PACS1: variants seen among roughly 807,000 people sequenced by gnomAD.
PACS1 encodes phosphofurin acidic cluster sorting protein 1.
PACS1 carries 24 observed loss-of-function variants against 115.0 expected under a neutral mutation model. The ratio of observed to expected loss-of-function variants is 0.21; its 90% CI spans 0.15 to 0.29. PACS1 has a LOEUF of 0.29. Among genes scored for constraint, PACS1 ranks in the 10% least tolerant of loss-of-function variants. The pLI, the probability that PACS1 is intolerant of heterozygous loss-of-function variation, is 1.00. For synonymous variants in PACS1, 453 were observed against 504.5 expected (o/e 0.90, Z 1.37); for missense variants, 838 against 1,251.2 (o/e 0.67, Z 4.98).
chr11:66,243,844 G>T lies in PACS1; in HGVS notation c.*564G>T. The T allele has an allele frequency of 6.5e-6, 1 of 153,176 alleles. No individual in the cohort carries two copies. Among genetic ancestry groups the T allele is most frequent in the Non-Finnish European group, 1.5e-5 (1 of 68,644 alleles). 9.5% of individuals were successfully genotyped at this position (153,176 alleles called of 1,614,324 possible). On this transcript the variant is annotated 3_prime_UTR_variant, in exon 24 of 24. Transcript: ENST00000320580. ...GTAAGGGGGCACCCTGAGCCCACAG[G>T]ACCCCTACTTCACAGCTCACAGGGG... is the stretch of plus-strand genomic sequence containing the variant.
intron 2 of PACS1, among the ~76,000 whole-genome samples, chr11:66,208,625 G>A (rs1322149936): frequency 1.4e-5 from 2 of 147,994 alleles, no homozygotes; most frequent in African/African-American, 5.0e-5. Context: ...GACCAGCCTG[G>A]GCAACATAGT....
intron 1 of PACS1, among the ~76,000 whole-genome samples, chr11:66,171,462 T>C (rs1859735357): frequency 6.6e-6 from 1 of 150,466 alleles, no homozygotes; most frequent in Admixed American, 6.6e-5. Context: ...TCTTAACTTA[T>C]GCTTTCTATT....
chr11:66,094,939 C>CA (rs1222833809), intron 1 of PACS1, among the ~76,000 whole-genome samples: 1 of 150,694 alleles, frequency 6.6e-6, no homozygotes, highest in Non-Finnish European at 1.5e-5. Flanking sequence ...GAACCAAAGA[C>CA]AAAAACCACA....
chr11:66,125,717 A>C (rs1858555619), intron 1 of PACS1, among the ~76,000 whole-genome samples: 1 of 152,194 alleles, frequency 6.6e-6, no homozygotes, highest in Non-Finnish European at 1.5e-5. Flanking sequence ...CAGGTATTCA[A>C]GTAATTGAAG....
chr11:66,087,814 C>T (rs948472813), intron 1 of PACS1, among the ~76,000 whole-genome samples: 2 of 152,054 alleles, frequency 1.3e-5, no homozygotes, highest in Non-Finnish European at 2.9e-5. Flanking sequence ...GTCAGATTGC[C>T]GGGCTGTGGG....
chr11:66,214,484 T>TTTCC lies in PACS1; in HGVS notation c.661-1616_661-1613dup, dbSNP rs1011564983. ...AGTCTTAGAGATTAGCAACCATTTCTTTCCTTCCTTCCTTCCTTCCTTTTT... is the reference window on the plus strand; with the variant it reads ...AGTCTTAGAGATTAGCAACCATTTCTTTCCTTCCTTCCTTCCTTCCTTCCTTTTT... On this transcript the variant is annotated intron_variant, in intron 4 of 23. Coordinates refer to ENST00000320580, the MANE Select transcript of PACS1 (RefSeq NM_018026.4). Among the ~76,000 whole-genome samples, 36 of 152,040 alleles carry TTTCC rather than the reference T, an allele frequency of 2.4e-4. 1 individual carries two copies. In the East Asian group the frequency reaches 2.5e-3, roughly 11 times the overall value.
At chr11:66,113,869 A>G (rs1287712410) in intron 1 of PACS1, among the ~76,000 whole-genome samples, 1 of 152,056 alleles carries the variant, frequency 6.6e-6, no homozygotes, top group Non-Finnish European at 1.5e-5. Flanking sequence ...TTATTAATAC[A>G]TTATTTTGCA....
At chr11:66,238,426 T>G in intron 19 of PACS1, 2 of 780,126 alleles carry the variant, frequency 2.6e-6, no homozygotes, top group Non-Finnish European at 3.2e-6. Flanking sequence ...CTAGGTTTTG[T>G]TGTTTTTTGT....
chr11:66,202,353 A>G (rs1854820255), intron 2 of PACS1, among the ~76,000 whole-genome samples: 1 of 152,194 alleles, frequency 6.6e-6, no homozygotes, highest in Admixed American at 6.5e-5. Context: ...GACTCAATCT[A>G]TGAAACCAAT....
At chr11:66,150,074 C>A (rs1413317987) in intron 1 of PACS1, among the ~76,000 whole-genome samples, 2 of 152,054 alleles carry the variant, frequency 1.3e-5, no homozygotes, top group Non-Finnish European at 2.9e-5. Flanking sequence ...CATATTTGTT[C>A]AATTTCTCCC....
chr11:66,073,916 CTTTTTTTTTTTTT>C (rs34145797), intron 1 of PACS1, among the ~76,000 whole-genome samples: 1 of 76,944 alleles, frequency 1.3e-5, no homozygotes, highest in Admixed American at 1.5e-4. Flanking sequence ...TCACACCTGG[CTTTTTTTTTTTTT>C]TTTTTTTTTT....
intron 1 of PACS1, among the ~76,000 whole-genome samples, chr11:66,073,769 C>T (rs1428059564): frequency 6.6e-6 from 1 of 151,514 alleles, no homozygotes. Flanking sequence ...TGTTTTTTTT[C>T]TTTAGATGGA....
Position 66,233,682 on chromosome 11 carries a change from T to C in PACS1, c.1839-103T>C. Reference sequence around the variant, plus strand: ...TTTATTTTGTGGATTGGTTTGCTTTTCCCCTGTGGGTTGTTGAGATCACAG... The same window carrying C: ...TTTATTTTGTGGATTGGTTTGCTTTCCCCCTGTGGGTTGTTGAGATCACAG... On this transcript the variant is annotated intron_variant, in intron 15 of 23. Transcript: ENST00000320580. This position sits in a 1 kb window ranked among gnomAD's most constrained non-coding sequence, Gnocchi z 4.5. 8.8e-7 allele frequency: 1 copy of C among 1,141,606 alleles called. No homozygotes were observed. Among genetic ancestry groups the C allele is most frequent in the Non-Finnish European group, 1.2e-6 (1 of 802,180 alleles). 70.7% of individuals were successfully genotyped at this position (1,141,606 alleles called of 1,614,324 possible). A position where few individuals can be genotyped will look rare whatever the true frequency, so the allele number is the denominator to read the frequency against.
intron 1 of PACS1, among the ~76,000 whole-genome samples, chr11:66,105,623 A>G (rs17147325): frequency 0.16 from 24,667 of 152,200 alleles, 2,676 homozygotes; most frequent in Admixed American, 0.3. Context: ...CTTTAATACT[A>G]TTGCTTACTC....
At chr11:66,127,936 C>G (rs566803252) in intron 1 of PACS1, among the ~76,000 whole-genome samples, 2 of 152,120 alleles carry the variant, frequency 1.3e-5, no homozygotes, top group South Asian at 4.1e-4. Context: ...TGATAAAACG[C>G]CTAGATCTTA....
intron 1 of PACS1, among the ~76,000 whole-genome samples, chr11:66,185,638 G>A (rs955101902): frequency 6.6e-6 from 1 of 152,160 alleles, no homozygotes; most frequent in Non-Finnish European, 1.5e-5. Context: ...GACTTCCAGC[G>A]CACTGTAGCA....
At chr11:66,100,754 G>A in intron 1 of PACS1, 1 of 455,856 alleles carries the variant, frequency 2.2e-6, no homozygotes, top group East Asian at 6.9e-5. Context: ...AGAATCTTGT[G>A]CAGTCTCCCT....
At chr11:66,149,144 G>A (rs559691406) in intron 1 of PACS1, among the ~76,000 whole-genome samples, 33 of 146,768 alleles carry the variant, frequency 2.2e-4, no homozygotes, top group African/African-American at 8.3e-4. Context: ...ACCCATTCTG[G>A]AGTGTAATGG....
intron 1 of PACS1, among the ~76,000 whole-genome samples, chr11:66,076,946 C>T (rs989566780): frequency 3.9e-5 from 6 of 152,196 alleles, no homozygotes; most frequent in African/African-American, 1.2e-4. Context: ...GGCCATCAAG[C>T]AAGGTGGGCA....
Sources: allele counts gnomAD v4.1 joint callset (sites outside exome capture counted in the v4.1 genomes callset), GRCh38; gene constraint gnomAD v4.1.1; non-coding constraint Gnocchi (gnomAD v3.1); transcripts MANE v1.5; gene names NCBI Gene and HGNC (gene_info 2026-07-23, HGNC 2026-07-21).